Variants in MCMDC2 observed in about 807,000 individuals in gnomAD.
MCMDC2 encodes the protein minichromosome maintenance domain containing 2, also known as minichromosome maintenance domain-containing protein 2.
A neutral mutation model predicts 75.8 loss-of-function variants in MCMDC2; 54 were observed. That is an observed-to-expected ratio of 0.71 (90% CI 0.57 to 0.89). The LOEUF (loss-of-function observed/expected upper bound fraction) is 0.89, where lower values mean the gene tolerates loss of function less well. Among genes scored for constraint, MCMDC2 ranks in the 40% least tolerant of loss-of-function variants. The pLI, the probability that MCMDC2 is intolerant of heterozygous loss-of-function variation, is 0.00. For synonymous variants in MCMDC2, 249 were observed against 274.6 expected (o/e 0.91, Z 0.92); for missense variants, 656 against 780.4 (o/e 0.84, Z 1.90).
chr8:66,891,315 G>T (rs1422223120), intron 10 of MCMDC2, among the ~76,000 whole-genome samples: 1 of 152,168 alleles, frequency 6.6e-6, no homozygotes, highest in Non-Finnish European at 1.5e-5. Flanking sequence ...TCCTCTTCTT[G>T]TCTAGTGATA....
chr8:66,887,338 G>A (rs1053905331), intron 9 of MCMDC2, among the ~76,000 whole-genome samples: 2 of 150,182 alleles, frequency 1.3e-5, no homozygotes, highest in South Asian at 2.1e-4. Context: ...TCAGGAGTTC[G>A]AGGCCGGCTG....
intron 14 of MCMDC2, among the ~76,000 whole-genome samples, chr8:66,916,424 A>G (rs1159483098): frequency 6.6e-6 from 1 of 152,174 alleles, no homozygotes; most frequent in Non-Finnish European, 1.5e-5. Context: ...TGTGGGGGCT[A>G]GAAGAGAAGT....
chr8:66,880,335 A>G (rs1477840915), intron 7 of MCMDC2, among the ~76,000 whole-genome samples: 2 of 152,196 alleles, frequency 1.3e-5, no homozygotes, highest in African/African-American at 4.8e-5. Context: ...TTGAGGTTAC[A>G]GTGAACTGAT....
At chr8:66,922,822 T>C, downstream of MCMDC2, 1 of 228,866 alleles carries the variant, frequency 4.4e-6, no homozygotes, top group Non-Finnish European at 8.9e-6. Flanking sequence ...ATCTCATTCC[T>C]TTAGGAACTG....
chr8:66,876,977 G>A (rs1030894702), intron 4 of MCMDC2, among the ~76,000 whole-genome samples: 4 of 152,036 alleles, frequency 2.6e-5, no homozygotes, highest in Non-Finnish European at 4.4e-5. Context: ...AGCCAGGATG[G>A]TCTCGATCTC....
At chr8:66,875,645 A>G (rs1811248807) in intron 4 of MCMDC2, among the ~76,000 whole-genome samples, 2 of 152,192 alleles carry the variant, frequency 1.3e-5, no homozygotes, top group South Asian at 4.1e-4. Flanking sequence ...TTCCCTTGGT[A>G]TTATGTAATA....
intron 12 of MCMDC2, among the ~76,000 whole-genome samples, chr8:66,900,189 C>A (rs1311047415): frequency 3.3e-5 from 5 of 152,026 alleles, no homozygotes. Flanking sequence ...GTAATCCCAG[C>A]ACTTTGGGAG....
chr8:66,894,879 A>C (rs1360599963), intron 10 of MCMDC2, among the ~76,000 whole-genome samples: 1 of 152,138 alleles, frequency 6.6e-6, no homozygotes, highest in East Asian at 1.9e-4. Flanking sequence ...GAAGCCCCAT[A>C]CCCATTAGCA....
At chr8:66,878,740 G>A (rs770334279) in intron 6 of MCMDC2, 44 bp downstream of exon 6, 2 of 1,463,556 alleles carry the variant, frequency 1.4e-6, no homozygotes, top group African/African-American at 2.9e-5. Context: ...TTAAAATAGT[G>A]TCTGATATTT....
intron 14 of MCMDC2, among the ~76,000 whole-genome samples, chr8:66,913,549 G>A (rs1023613959): frequency 6.6e-6 from 1 of 152,124 alleles, no homozygotes; most frequent in African/African-American, 2.4e-5. Context: ...TTTCCAATAT[G>A]TGAGTCAATA....
intron 14 of MCMDC2, among the ~76,000 whole-genome samples, chr8:66,917,636 A>T (rs1813374373): frequency 1.3e-5 from 2 of 152,112 alleles, no homozygotes; most frequent in African/African-American, 2.4e-5. Context: ...TATTCTAGGT[A>T]CCTCATATAA....
intron 14 of MCMDC2, among the ~76,000 whole-genome samples, chr8:66,907,264 C>A (rs1812943338): frequency 6.6e-6 from 1 of 152,068 alleles, no homozygotes; most frequent in African/African-American, 2.4e-5. Flanking sequence ...GTGTGATGTT[C>A]CCCTCCCTGT....
rs1171307998 is a variant in MCMDC2, at chr8:66,878,604, G to C, written c.512G>C (p.Gly171Ala). 1 of 1,575,686 alleles carries C rather than the reference G, an allele frequency of 6.3e-7. No homozygotes were observed. Among genetic ancestry groups the C allele is most frequent in the Non-Finnish European group, 8.6e-7 (1 of 1,166,640 alleles). ...GFQYIRVHVP[G>A]ATESATIRND... ...CAGTATATAAGAGTGCATGTGCCTG[G>C]TGCTACAGAATCTGCAACGATAAGA... The change falls in exon 6 of 15, where the codon GGT becomes GCT. Residue 171 changes from glycine to alanine, a missense_variant. By Grantham distance (60) the Gly-to-Ala change is moderately conservative. Coordinates refer to ENST00000422365, the MANE Select transcript of MCMDC2 (RefSeq NM_173518.5).
downstream of MCMDC2, among the ~76,000 whole-genome samples, chr8:66,924,812 C>T (rs1451401342): frequency 6.6e-6 from 1 of 152,104 alleles, no homozygotes; most frequent in Admixed American, 6.5e-5. Context: ...TGTTCTCCAA[C>T]CTCCATGCCT....
chr8:66,871,872 A>G (rs748395330), intron 1 of MCMDC2, among the ~76,000 whole-genome samples: 10 of 151,660 alleles, frequency 6.6e-5, no homozygotes, highest in Non-Finnish European at 1.0e-4. Context: ...TGCAACTCCA[A>G]CCTGGGCAAC....
intron 14 of MCMDC2, among the ~76,000 whole-genome samples, chr8:66,915,483 ATATTTATATATT>A (rs1212834440): frequency 1.4e-5 from 2 of 142,680 alleles, no homozygotes; most frequent in Non-Finnish European, 3.0e-5. Flanking sequence ...ATTTATATAT[ATATTTATATATT>A]TATATATGTT....
intron 10 of MCMDC2, among the ~76,000 whole-genome samples, chr8:66,895,496 T>A (rs947105513): frequency 1.1e-4 from 17 of 149,538 alleles, no homozygotes; most frequent in African/African-American, 3.2e-4. Flanking sequence ...ACCCTCCAAC[T>A]CCTGGGCTCA....
At chr8:66,896,053 T>A (rs1812336803) in intron 10 of MCMDC2, 117 bp from the exon 11 acceptor site, 5 of 894,522 alleles carry the variant, frequency 5.6e-6, no homozygotes, top group Non-Finnish European at 8.2e-6. Flanking sequence ...CAAATTTACT[T>A]TCTTTCACTA....
intron 10 of MCMDC2, among the ~76,000 whole-genome samples, 158 bp downstream of exon 10, chr8:66,891,228 T>A (rs922014440): frequency 1.3e-5 from 2 of 152,230 alleles, no homozygotes; most frequent in Admixed American, 1.3e-4. Context: ...TAAACAGAAA[T>A]TTAATGTGCA....
Sources: gnomAD v4.1 joint callset for allele counts (sites outside exome capture counted in the v4.1 genomes callset) on GRCh38, gnomAD v4.1.1 for gene constraint, MANE v1.5 for transcripts, NCBI Gene and HGNC (gene_info 2026-07-23, HGNC 2026-07-21) for gene names.